Variants in DMRT1 observed in about 807,000 individuals in gnomAD.
DMRT1 encodes the protein doublesex and mab-3 related transcription factor 1, also known as doublesex- and mab-3-related transcription factor 1.
In DMRT1, 7 loss-of-function variants were observed where a neutral mutation model predicts 32.3. That is an observed-to-expected ratio of 0.22 (90% CI 0.12 to 0.41). The LOEUF (loss-of-function observed/expected upper bound fraction) is 0.41. DMRT1 is among the 10% of genes least tolerant of loss of function. The pLI, the probability that DMRT1 is intolerant of heterozygous loss-of-function variation, is 1.00. For synonymous variants in DMRT1, 278 were observed against 206.1 expected, an observed-to-expected ratio of 1.35 and a Z score of -2.99; for missense variants, 625 against 500.5, an observed-to-expected ratio of 1.25 and a Z score of -2.37.
chr9:956,868 A>T (rs924402552), intron 4 of DMRT1, among the ~76,000 whole-genome samples: 2 of 152,196 alleles, frequency 1.3e-5, no homozygotes, highest in African/African-American at 4.8e-5. Flanking sequence ...TTGTTCTGAG[A>T]AGCCCCTTAA....
In DMRT1 at chr9:883,055, A is replaced by C. The variant is rs532512777; in HGVS notation, c.539-10857A>C. On this transcript the variant is annotated intron_variant, in intron 2 of 4. Transcript: ENST00000382276. The stretch of plus-strand genomic sequence containing the variant: ...TCAAAGTGCTGGGATTACAGGCATG[A>C]GCCACCAAGCCTGCCCACCCCACCC... Among the ~76,000 whole-genome samples the C allele has an allele frequency of 2.7e-4, 41 of 151,992 alleles. No homozygotes were observed. In the South Asian group the frequency reaches 7.7e-3, roughly 29 times the overall value.
chr9:843,919 C>T (rs951051856), intron 1 of DMRT1, among the ~76,000 whole-genome samples: 20 of 152,030 alleles, frequency 1.3e-4, no homozygotes, highest in African/African-American at 4.6e-4. Context: ...ATTTTTAAAG[C>T]TTAATCTGTA....
rs2132531504 is a variant in DMRT1 at position 841,855 on chromosome 9, C to T, written c.17C>T (p.Ala6Val). Residue 6 changes from alanine to valine, a missense_variant, in exon 1 of 5, where the codon GCA (alanine) becomes GTA (valine). Physicochemically the swap from Ala to Val is moderately conservative, Grantham distance 64 (BLOSUM62 0). Transcript: ENST00000382276. MPNDE[A>V]FSKPSTPSEA... ...AGGGGCACCATGCCCAACGACGAGGCATTCAGCAAGCCCTCTACACCGTCG... is the reference window on the plus strand; with the variant it reads ...AGGGGCACCATGCCCAACGACGAGGTATTCAGCAAGCCCTCTACACCGTCG... The T allele has an allele frequency of 1.2e-6, 2 of 1,612,580 alleles. No homozygotes were observed. Among genetic ancestry groups the T allele is most frequent in the Non-Finnish European group, 1.7e-6 (2 of 1,179,536 alleles).
At chr9:885,491 G>A (rs372632974) in intron 2 of DMRT1, among the ~76,000 whole-genome samples, 1 of 152,154 alleles carries the variant, frequency 6.6e-6, no homozygotes, top group Non-Finnish European at 1.5e-5. Context: ...CCAACCAAAC[G>A]CAGCGTTGTT....
chr9:850,261 C>T (rs1359294158), intron 2 of DMRT1, among the ~76,000 whole-genome samples: 3 of 152,152 alleles, frequency 2.0e-5, no homozygotes, highest in Non-Finnish European at 4.4e-5. Context: ...GAGGGAAATT[C>T]AGATGCCAGC....
intron 4 of DMRT1, 126 bp downstream of exon 4, chr9:917,033 C>G: frequency 9.7e-7 from 1 of 1,028,578 alleles, no homozygotes; most frequent in Non-Finnish European, 1.5e-6. Context: ...CTGTGTGAAG[C>G]TTGGATAAGT....
chr9:848,925 T>A (rs1305562475), intron 2 of DMRT1, among the ~76,000 whole-genome samples: 2 of 27,336 alleles, frequency 7.3e-5, no homozygotes, highest in Non-Finnish European at 2.6e-4. Context: ...GATTTTAAGA[T>A]GTGTCAAAGG....
chr9:914,888 A>G (rs1818120549), intron 3 of DMRT1, among the ~76,000 whole-genome samples: 1 of 152,198 alleles, frequency 6.6e-6, no homozygotes, highest in African/African-American at 2.4e-5. Context: ...AAACAGCACC[A>G]TAATACCCAA....
chr9:945,176 T>C (rs1819201490), intron 4 of DMRT1, among the ~76,000 whole-genome samples: 1 of 152,138 alleles, frequency 6.6e-6, no homozygotes, highest in Non-Finnish European at 1.5e-5. Flanking sequence ...TTTTTTGACA[T>C]GGAGTCTTGC....
chr9:923,438 G>A (rs1049543917), intron 4 of DMRT1, among the ~76,000 whole-genome samples: 4 of 150,196 alleles, frequency 2.7e-5, no homozygotes, highest in Non-Finnish European at 5.9e-5. Flanking sequence ...CTTACCTGCT[G>A]AGAGAGGGTG....
intron 2 of DMRT1, among the ~76,000 whole-genome samples, chr9:874,419 G>T (rs755282473): frequency 6.6e-6 from 1 of 151,942 alleles, no homozygotes; most frequent in Admixed American, 6.6e-5. Context: ...GTCATTTTCA[G>T]CCCTTTATTT....
intron 2 of DMRT1, among the ~76,000 whole-genome samples, chr9:863,142 G>A (rs1272022616): frequency 3.1e-5 from 2 of 65,122 alleles, no homozygotes; most frequent in Admixed American, 2.6e-4. Flanking sequence ...GCGAGATCAG[G>A]TCTCTACAAA....
chr9:942,744 T>C (rs1819118104), intron 4 of DMRT1, among the ~76,000 whole-genome samples: 1 of 152,190 alleles, frequency 6.6e-6, no homozygotes, highest in South Asian at 2.1e-4. Flanking sequence ...ATTGGTGATT[T>C]CGTAGCAACA....
intron 4 of DMRT1, among the ~76,000 whole-genome samples, chr9:944,747 A>G (rs1030444017): frequency 1.3e-4 from 20 of 152,316 alleles, no homozygotes; most frequent in Middle Eastern, 6.8e-3. Flanking sequence ...TCCAAATACT[A>G]TATTTGTGCA....
intron 2 of DMRT1, among the ~76,000 whole-genome samples, chr9:848,777 A>G (rs1195680693): frequency 1.4e-5 from 2 of 147,656 alleles, no homozygotes; most frequent in Admixed American, 6.8e-5. Context: ...CTGGCCTTGA[A>G]CTTCTGACCT....
intron 4 of DMRT1, among the ~76,000 whole-genome samples, chr9:930,630 G>A (rs191138659): frequency 2.0e-5 from 3 of 151,914 alleles, no homozygotes; most frequent in Non-Finnish European, 4.4e-5. Flanking sequence ...GGATGGTCTC[G>A]ATCTCCTGAC....
chr9:855,014 G>A (rs375826822), intron 2 of DMRT1, among the ~76,000 whole-genome samples: 13 of 151,326 alleles, frequency 8.6e-5, no homozygotes, highest in African/African-American at 2.4e-4. Flanking sequence ...TGATCCGCCC[G>A]CCTCAGCCTC....
intron 3 of DMRT1, among the ~76,000 whole-genome samples, chr9:906,295 C>A (rs1343003102): frequency 6.6e-6 from 1 of 152,138 alleles, no homozygotes; most frequent in Non-Finnish European, 1.5e-5. Flanking sequence ...GAATGTGGCC[C>A]CAGACAGCCT....
In DMRT1 at chr9:952,420, T is replaced by A. The variant is rs550347379; in HGVS notation, c.968-15565T>A. On this transcript the variant is annotated intron_variant, in intron 4 of 4. Coordinates refer to ENST00000382276, the MANE Select transcript of DMRT1 (RefSeq NM_021951.3). ...AAAACATGTTCTAAAATTTATACTT[T>A]TAAAATTACGGTGTAATCAAAAGGC... is the stretch of plus-strand genomic sequence containing the variant. Among the ~76,000 whole-genome samples the A allele has an allele frequency of 2.0e-4, 31 of 152,336 alleles. No individual in the cohort carries two copies. The South Asian group carries it at 6.0e-3, about 29-fold the overall frequency.
Sources: gnomAD v4.1 joint callset for allele counts (sites outside exome capture counted in the v4.1 genomes callset) on GRCh38, gnomAD v4.1.1 for gene constraint, MANE v1.5 for transcripts, NCBI Gene and HGNC (gene_info 2026-07-23, HGNC 2026-07-21) for gene names.